Variants in RGS17 observed in about 807,000 individuals in gnomAD.
The protein encoded by RGS17 is regulator of G protein signaling 17.
Under a neutral mutation model 25.5 loss-of-function variants are expected in RGS17, and 12 were observed. That is an observed-to-expected ratio of 0.47 (90% CI 0.30 to 0.76). The LOEUF (loss-of-function observed/expected upper bound fraction) is 0.76. Among genes scored for constraint, RGS17 ranks in the 30% least tolerant of loss-of-function variants. The pLI, the probability that RGS17 is intolerant of heterozygous loss-of-function variation, is 0.07. For synonymous variants in RGS17, 71 were observed against 76.9 expected (o/e 0.92, Z 0.40); for missense variants, 196 against 242.2 (o/e 0.81, Z 1.27).
chr6:153,024,419 T>C lies in RGS17; in HGVS notation c.287A>G (p.Asn96Ser), dbSNP rs1483338366. 10 of 1,614,030 alleles carry C rather than the reference T, an allele frequency of 6.2e-6. No homozygotes were observed. The highest frequency in any genetic ancestry group is 8.5e-6 in the Non-Finnish European group (10 of 1,180,004). Reference sequence around the variant, plus strand: ...TGTTCGGAGGAACTCTCTGAAAAGGTTTCTTCCTGCTGGGGCCTTCATCAT... The same window carrying C: ...TGTTCGGAGGAACTCTCTGAAAAGGCTTCTTCCTGCTGGGGCCTTCATCAT... ...DKMMKAPAGR[N>S]LFREFLRTEY... Residue 96 changes from asparagine (N) to serine (S), a missense_variant, in exon 4 of 5, where the codon AAC becomes AGC. Asn to Ser is a conservative substitution (Grantham distance 46). This residue lies in a region of RGS17 where 179 missense variants were observed against 197.6 expected (regional missense o/e 0.91). Transcript: ENST00000206262.
chr6:153,078,589 A>T (rs980941643), intron 1 of RGS17, among the ~76,000 whole-genome samples: 16 of 125,086 alleles, frequency 1.3e-4, no homozygotes, highest in African/African-American at 4.6e-4. Flanking sequence ...AGTTGGTGTC[A>T]TAATTTTATA....
chr6:153,031,620 T>C (rs1206854599), intron 2 of RGS17, among the ~76,000 whole-genome samples: 1 of 152,228 alleles, frequency 6.6e-6, no homozygotes, highest in Admixed American at 6.5e-5. Context: ...ATCTTCTGAC[T>C]TCCTGTCTCA....
Position 153,011,573 on chromosome 6 carries a change from A to G in RGS17, c.*1T>C, listed in dbSNP as rs1410568616. On this transcript the variant is annotated 3_prime_UTR_variant, in exon 5 of 5. Transcript: ENST00000206262. Reference sequence around the variant, plus strand: ...CCAAAATGATTGTTTTTAAATGAACATTAAGATTCAGAAGAAGAGCCAGCA... The same window carrying G: ...CCAAAATGATTGTTTTTAAATGAACGTTAAGATTCAGAAGAAGAGCCAGCA... The G allele has an allele frequency of 1.3e-6, 2 of 1,590,608 alleles. No individual in the cohort carries two copies. The highest frequency in any genetic ancestry group is 1.7e-6 in the Non-Finnish European group (2 of 1,164,042).
intron 1 of RGS17, among the ~76,000 whole-genome samples, chr6:153,109,107 G>A (rs532229342): frequency 1.1e-4 from 12 of 107,428 alleles, no homozygotes; most frequent in Non-Finnish European, 1.9e-4. Flanking sequence ...GCAAATAAAC[G>A]ATAATACAGG....
chr6:153,056,532 GAGTATTT>G (rs1776562172), intron 1 of RGS17, among the ~76,000 whole-genome samples: 2 of 152,252 alleles, frequency 1.3e-5, no homozygotes, highest in South Asian at 2.1e-4. Flanking sequence ...AAGCATTCTT[GAGTATTT>G]AAGTTACTGG....
chr6:153,110,167 T>C (rs1160057496), intron 1 of RGS17, among the ~76,000 whole-genome samples: 1 of 152,204 alleles, frequency 6.6e-6, no homozygotes, highest in Non-Finnish European at 1.5e-5. Context: ...TTTGTTTGGT[T>C]CTACTACCCA....
intron 4 of RGS17, among the ~76,000 whole-genome samples, chr6:153,021,193 C>T (rs927520181): frequency 6.6e-6 from 1 of 152,196 alleles, no homozygotes; most frequent in Non-Finnish European, 1.5e-5. Context: ...GGCCACACAA[C>T]TGGGATGTAG....
At chr6:153,085,758 C>T (rs575340507) in intron 1 of RGS17, among the ~76,000 whole-genome samples, 1 of 152,228 alleles carries the variant, frequency 6.6e-6, no homozygotes, top group South Asian at 2.1e-4. Flanking sequence ...ATTACTCTTA[C>T]ATTTTTTTCT....
intron 1 of RGS17, among the ~76,000 whole-genome samples, chr6:153,062,188 T>A (rs1351104546): frequency 1.5e-5 from 2 of 135,914 alleles, no homozygotes; most frequent in Admixed American, 1.8e-4. Flanking sequence ...ATACTCACAA[T>A]ACCTGGTTTT....
intron 1 of RGS17, among the ~76,000 whole-genome samples, chr6:153,127,494 T>C (rs539761755): frequency 2.0e-5 from 3 of 152,296 alleles, no homozygotes; most frequent in Admixed American, 1.3e-4. Flanking sequence ...ATCCCTCTTG[T>C]ATGTCTGAGG....
intron 1 of RGS17, among the ~76,000 whole-genome samples, chr6:153,103,782 C>T (rs1181608456): frequency 2.0e-5 from 3 of 152,160 alleles, no homozygotes; most frequent in Non-Finnish European, 4.4e-5. Context: ...GGCTATTAAA[C>T]GTTTTAAGAC....
intron 2 of RGS17, among the ~76,000 whole-genome samples, chr6:153,031,554 G>T (rs931841062): frequency 2.0e-5 from 3 of 152,142 alleles, no homozygotes; most frequent in Non-Finnish European, 4.4e-5. Context: ...AGTTATTGGG[G>T]TTGACTTACA....
chr6:153,130,969 G>A lies in RGS17; in HGVS notation c.-26+155C>T, dbSNP rs1242524942. Among the ~76,000 whole-genome samples the A allele has an allele frequency of 6.7e-6, 1 of 148,618 alleles. No individual in the cohort carries two copies. The stretch of plus-strand genomic sequence containing the variant: ...CGGCCACAGCTGAGACCCCAGCGCC[G>A]CGCAGCCGCCCCCGCCGGGGCATGG... On this transcript the variant is annotated intron_variant, in intron 1 of 4. Transcript: ENST00000206262. The surrounding 1 kb of genome is among the most constrained non-coding windows in gnomAD (Gnocchi z 6.4).
At chr6:153,083,127 C>T (rs570919810) in intron 1 of RGS17, among the ~76,000 whole-genome samples, 1 of 152,152 alleles carries the variant, frequency 6.6e-6, no homozygotes, top group African/African-American at 2.4e-5. Flanking sequence ...AGACCGTAGG[C>T]AGATTTCTGA....
intron 2 of RGS17, among the ~76,000 whole-genome samples, chr6:153,037,211 C>CAT (rs1776259743): frequency 6.6e-6 from 1 of 151,308 alleles, no homozygotes; most frequent in Non-Finnish European, 1.5e-5. Context: ...GACACACACA[C>CAT]ACACACACAC....
intron 1 of RGS17, among the ~76,000 whole-genome samples, chr6:153,097,310 T>G (rs1054399442): frequency 1.4e-5 from 2 of 144,662 alleles, no homozygotes; most frequent in South Asian, 2.2e-4. Context: ...TTTTTTTTTT[T>G]TTTTTTTTGG....
chr6:153,020,311 G>A (rs900326558), intron 4 of RGS17, among the ~76,000 whole-genome samples: 3 of 150,168 alleles, frequency 2.0e-5, no homozygotes, highest in Non-Finnish European at 4.4e-5. Context: ...CCGCCACCAC[G>A]CCCGGCTAAT....
At chr6:153,106,483 C>T (rs1777386759) in intron 1 of RGS17, among the ~76,000 whole-genome samples, 1 of 150,778 alleles carries the variant, frequency 6.6e-6, no homozygotes, top group Admixed American at 6.6e-5. Flanking sequence ...AAGAGGCTGG[C>T]CCTTGAATGG....
chr6:153,114,268 G>A (rs1338990759), intron 1 of RGS17, among the ~76,000 whole-genome samples: 1 of 152,134 alleles, frequency 6.6e-6, no homozygotes, highest in Non-Finnish European at 1.5e-5. Flanking sequence ...TGATCCCACA[G>A]AAATACAAAC....
Sources: gnomAD v4.1 joint callset for allele counts (sites outside exome capture counted in the v4.1 genomes callset) on GRCh38, gnomAD v4.1.1 for gene constraint, gnomAD v4.1.1 regional missense constraint, Gnocchi (gnomAD v3.1) non-coding constraint, MANE v1.5 for transcripts, NCBI Gene and HGNC (gene_info 2026-07-23, HGNC 2026-07-21) for gene names.